SDK1: variants seen among roughly 807,000 people sequenced by gnomAD.
The protein encoded by SDK1 is sidekick cell adhesion molecule 1.
A neutral mutation model predicts 245.5 loss-of-function variants in SDK1; 157 were observed. The observed-to-expected ratio is 0.64, with a 90% CI of 0.56 to 0.73. The LOEUF is 0.73. SDK1 is among the 30% of genes least tolerant of loss of function. The probability of loss-of-function intolerance (pLI) is 0.00; values close to 1 mark genes in which losing one functional copy is unlikely to be tolerated. For missense variants in SDK1, 3,583 were observed against 3,002.3 expected (o/e 1.19, Z -4.52); for synonymous variants, 1,647 against 1,278.5 (o/e 1.29, Z -6.15).
intron 44 of SDK1, among the ~76,000 whole-genome samples, chr7:4,249,162 A>C (rs141327593): frequency 1.5e-4 from 23 of 152,292 alleles, no homozygotes; most frequent in African/African-American, 5.3e-4. Context: ...CATGGAACCC[A>C]CACTAAATGG....
intron 5 of SDK1, among the ~76,000 whole-genome samples, chr7:3,902,192 G>A (rs1781813651): frequency 6.6e-6 from 1 of 152,144 alleles, no homozygotes; most frequent in Admixed American, 6.5e-5. Flanking sequence ...CTAGAAATGT[G>A]CGCGTGTGCA....
chr7:4,194,063 A>C (rs749098029), intron 35 of SDK1, among the ~76,000 whole-genome samples: 2 of 152,116 alleles, frequency 1.3e-5, no homozygotes, highest in Non-Finnish European at 2.9e-5. Context: ...TAATCATATT[A>C]AGCAGCCAAC....
intron 38 of SDK1, among the ~76,000 whole-genome samples, chr7:4,210,929 A>G (rs1237569220): frequency 2.6e-5 from 4 of 152,212 alleles, no homozygotes; most frequent in Non-Finnish European, 4.4e-5. Context: ...GGGCCCGGAC[A>G]CACAAGAATC....
chr7:3,454,839 G>C (rs1234472813), intron 1 of SDK1, among the ~76,000 whole-genome samples: 1 of 152,076 alleles, frequency 6.6e-6, no homozygotes, highest in Non-Finnish European at 1.5e-5. Context: ...ATTTCTCTAG[G>C]ATCTGTGCCC....
Position 3,654,524 on chromosome 7 carries a change from C to A in SDK1, c.713+12419C>A, listed in dbSNP as rs540396618. On this transcript the variant is annotated intron_variant, in intron 4 of 44. Coordinates refer to ENST00000404826, the MANE Select transcript of SDK1 (RefSeq NM_152744.4). ...AAGCAATAATAGGTCAGGATATGGG[C>A]TGTTGCCCACAGTAAGTTTGACATC... Among the ~76,000 whole-genome samples, 3 of 150,832 alleles carry A rather than the reference C, an allele frequency of 2.0e-5. No homozygotes were observed. The South Asian group carries it at 6.3e-4, about 32-fold the overall frequency.
chr7:3,746,670 C>T (rs1298257013), intron 4 of SDK1, among the ~76,000 whole-genome samples: 2 of 152,200 alleles, frequency 1.3e-5, no homozygotes, highest in Middle Eastern at 3.2e-3. Context: ...AGAAATACCT[C>T]ATCATTGGTT....
At chr7:3,969,470 A>G in intron 11 of SDK1, 46 bp downstream of exon 11, 1 of 1,440,696 alleles carries the variant, frequency 6.9e-7, no homozygotes, top group Non-Finnish European at 9.3e-7. Flanking sequence ...GCCACGGTTT[A>G]ATCATCACGT....
chr7:3,609,566 A>G (rs780137022), intron 1 of SDK1, among the ~76,000 whole-genome samples: 43 of 151,650 alleles, frequency 2.8e-4, no homozygotes, highest in Non-Finnish European at 5.6e-4. Context: ...ATACCCGGCT[A>G]ATTTTTTGTA....
At chr7:4,154,605 G>A (rs1377887418) in intron 30 of SDK1, among the ~76,000 whole-genome samples, 1 of 152,140 alleles carries the variant, frequency 6.6e-6, no homozygotes, top group African/African-American at 2.4e-5. Context: ...TTTATTCATT[G>A]CCTGCTGTGT....
chr7:4,113,943 G>A (rs536210221), intron 24 of SDK1, 94 bp from the exon 25 acceptor site: 10 of 896,640 alleles, frequency 1.1e-5, no homozygotes, highest in Admixed American at 2.1e-5. Flanking sequence ...CCTCCTCCAC[G>A]GAGTTGGCCT....
rs1421595426 is a variant in SDK1 at position 3,958,997 on chromosome 7, T to C, written c.1217T>C (p.Ile406Thr). 1 of 1,613,764 alleles carries C rather than the reference T, an allele frequency of 6.2e-7. No individual in the cohort carries two copies. Among genetic ancestry groups the C allele is most frequent in the Non-Finnish European group, 8.5e-7 (1 of 1,179,846 alleles). Residue 406 changes from isoleucine (I) to threonine (T), a missense_variant, in exon 8 of 45, where the codon ATC becomes ACC. By Grantham distance (89) the Ile-to-Thr change is moderately conservative. Coordinates refer to ENST00000404826, the MANE Select transcript of SDK1 (RefSeq NM_152744.4). ...ISAEVEETVD[I>T]GCQAMGVPLP... ...GCTGAAGTAGAAGAAACTGTGGACA[T>C]CGGATGTCAAGCCATGGGTGAGTGC...
chr7:3,909,300 A>G (rs770087306), intron 5 of SDK1, among the ~76,000 whole-genome samples: 1 of 152,158 alleles, frequency 6.6e-6, no homozygotes, highest in Non-Finnish European at 1.5e-5. Context: ...ATGGCCGCCA[A>G]TAACTCCAGA....
chr7:3,472,534 G>A (rs924766752), intron 1 of SDK1, among the ~76,000 whole-genome samples: 3 of 152,164 alleles, frequency 2.0e-5, no homozygotes, highest in Admixed American at 1.3e-4. Context: ...TATTATGGGT[G>A]TATCTTAATA....
intron 1 of SDK1, among the ~76,000 whole-genome samples, chr7:3,579,110 C>T (rs887942128): frequency 4.6e-5 from 7 of 152,028 alleles, no homozygotes; most frequent in South Asian, 2.1e-4. Flanking sequence ...ATAAAGGGGG[C>T]TTATGAAAGT....
intron 22 of SDK1, among the ~76,000 whole-genome samples, chr7:4,097,840 A>G (rs1330145964): frequency 5.3e-5 from 8 of 152,174 alleles, no homozygotes; most frequent in Admixed American, 4.6e-4. Flanking sequence ...GAGGAACAAG[A>G]GTGACATTAT....
In SDK1 at chr7:3,788,354, T is replaced by C. The variant is rs59292244; in HGVS notation, c.714-33096T>C. Among the ~76,000 whole-genome samples the C allele has an allele frequency of 5.6e-3, 853 of 152,210 alleles. 9 individuals are homozygous for C. The highest frequency in any genetic ancestry group is 0.02 in the African/African-American group (819 of 41,528). ...CAGTGTGTGAAACTCCACAAGGAGT[T>C]TGAGAAATGCAGTCTCGTGCTTTCT... On this transcript the variant is annotated intron_variant, in intron 4 of 44. Coordinates refer to ENST00000404826, the MANE Select transcript of SDK1 (RefSeq NM_152744.4).
At chr7:3,762,559 T>G (rs2114991212) in intron 4 of SDK1, among the ~76,000 whole-genome samples, 1 of 152,342 alleles carries the variant, frequency 6.6e-6, no homozygotes, top group South Asian at 2.1e-4. Flanking sequence ...GTGCTTTGGT[T>G]GGTTGGGTAC....
At chr7:3,902,574 G>T (rs1781827046) in intron 5 of SDK1, among the ~76,000 whole-genome samples, 2 of 152,000 alleles carry the variant, frequency 1.3e-5, no homozygotes, top group African/African-American at 4.8e-5. Context: ...CCTATTTGAT[G>T]TATAGCTAGG....
chr7:4,079,325 T>G (rs1780907865), intron 21 of SDK1, 138 bp from the exon 22 acceptor site: 5 of 1,105,052 alleles, frequency 4.5e-6, no homozygotes, highest in Non-Finnish European at 6.7e-6. Flanking sequence ...CTTCTCACCT[T>G]CATGGTTTTG....
Sources: allele counts gnomAD v4.1 joint callset (sites outside exome capture counted in the v4.1 genomes callset), GRCh38; gene constraint gnomAD v4.1.1; transcripts MANE v1.5; gene names NCBI Gene and HGNC (gene_info 2026-07-23, HGNC 2026-07-21).